LAMC1: variants seen among roughly 807,000 people sequenced by gnomAD.
The protein encoded by LAMC1 is laminin subunit gamma 1.
LAMC1 carries 38 observed loss-of-function variants against 173.6 expected under a neutral mutation model. That is an observed-to-expected ratio of 0.22 (90% CI 0.17 to 0.29). The LOEUF is 0.29. Ranked by LOEUF, LAMC1 falls within the 10% of genes least tolerant of loss-of-function variation. The probability of loss-of-function intolerance (pLI) is 1.00; values close to 1 mark genes in which losing one functional copy is unlikely to be tolerated. For synonymous variants in LAMC1, 746 were observed against 749.1 expected (o/e 1.00, Z 0.07); for missense variants, 1,824 against 2,051.8 (o/e 0.89, Z 2.14).
chr1:183,102,925 C>T (rs1655871889), intron 1 of LAMC1, among the ~76,000 whole-genome samples: 5 of 152,132 alleles, frequency 3.3e-5, no homozygotes, highest in Admixed American at 3.3e-4. Flanking sequence ...TCTTAAAGGG[C>T]CTGGAGACCC....
At chr1:183,068,940 CA>C (rs562664811) in intron 1 of LAMC1, among the ~76,000 whole-genome samples, 14 of 146,090 alleles carry the variant, frequency 9.6e-5, no homozygotes, top group South Asian at 2.2e-4. Context: ...GACTCCATCT[CA>C]AAAAAAAAAG....
chr1:183,120,031 T>C (rs1181454318), intron 11 of LAMC1, among the ~76,000 whole-genome samples: 2 of 151,934 alleles, frequency 1.3e-5, no homozygotes, highest in African/African-American at 4.8e-5. Context: ...TAGCTGGGCA[T>C]GGTGGCACAC....
chr1:183,089,881 C>T (rs1036315564), intron 1 of LAMC1, among the ~76,000 whole-genome samples: 17 of 152,150 alleles, frequency 1.1e-4, no homozygotes, highest in South Asian at 1.0e-3. Context: ...AATGGAGTTG[C>T]TCATGCTAGG....
intron 1 of LAMC1, among the ~76,000 whole-genome samples, chr1:183,083,054 G>T (rs752818550): frequency 6.6e-5 from 10 of 152,152 alleles, no homozygotes; most frequent in Non-Finnish European, 1.3e-4. Context: ...ACTGTGACTT[G>T]TTCTGGTGGG....
chr1:183,072,979 T>G (rs1475209482), intron 1 of LAMC1, among the ~76,000 whole-genome samples: 1 of 152,226 alleles, frequency 6.6e-6, no homozygotes, highest in Non-Finnish European at 1.5e-5. Flanking sequence ...CATAATTATT[T>G]CATTATATAT....
chr1:183,133,597 A>G, intron 22 of LAMC1, 47 bp downstream of exon 22: 4 of 1,536,692 alleles, frequency 2.6e-6, no homozygotes, highest in East Asian at 2.3e-5. Flanking sequence ...CTCTCCCCCA[A>G]GTCTATGTGA....
At position 183,122,154 on chromosome 1, in the gene LAMC1, C is replaced by T. The variant is rs779442083; in HGVS notation, c.2304C>T (p.Ser768=). The change falls in exon 13 of 28, where the codon TCC becomes TCT. Residue 768 remains serine (S), a synonymous_variant. Transcript: ENST00000258341. ...GAGATTCAACTGCAGGCACCTCCTC[C>T]GATTGCCAACCCTGTCCGTGTCCTG... ...YYGDSTAGTS[S]DCQPCPCPGG... The T allele has an allele frequency of 2.5e-5, 41 of 1,614,066 alleles. No homozygotes were observed. Among genetic ancestry groups the T allele is most frequent in the African/African-American group, 4.0e-5 (3 of 74,928 alleles).
intron 1 of LAMC1, among the ~76,000 whole-genome samples, chr1:183,080,537 C>A (rs1460711725): frequency 2.0e-5 from 3 of 152,174 alleles, no homozygotes; most frequent in Non-Finnish European, 4.4e-5. Flanking sequence ...GCTAAGGATT[C>A]CCTCAGCTGC....
chr1:183,087,954 C>T (rs1294821959), intron 1 of LAMC1, among the ~76,000 whole-genome samples: 2 of 151,898 alleles, frequency 1.3e-5, no homozygotes, highest in Non-Finnish European at 2.9e-5. Flanking sequence ...GCTGGGATTA[C>T]AGGCATGCCT....
intron 2 of LAMC1, among the ~76,000 whole-genome samples, chr1:183,105,433 AG>A (rs1046358264): frequency 7.6e-4 from 28 of 36,850 alleles, no homozygotes; most frequent in African/African-American, 1.6e-3. Context: ...CAGTGTAGTC[AG>A]TAGAAAATGC....
At chr1:183,106,295 A>G (rs1005439258) in intron 2 of LAMC1, among the ~76,000 whole-genome samples, 1 of 152,234 alleles carries the variant, frequency 6.6e-6, no homozygotes, top group Non-Finnish European at 1.5e-5. Flanking sequence ...AAACACAGAA[A>G]TATGTTTAGC....
intron 26 of LAMC1, among the ~76,000 whole-genome samples, chr1:183,139,381 A>G (rs1657041625): frequency 1.3e-5 from 2 of 152,162 alleles, no homozygotes; most frequent in South Asian, 4.1e-4. Context: ...TTATAGCTTC[A>G]TTCTTTTGGA....
chr1:183,085,645 C>T (rs1655407594), intron 1 of LAMC1, among the ~76,000 whole-genome samples: 2 of 152,096 alleles, frequency 1.3e-5, no homozygotes, highest in Non-Finnish European at 2.9e-5. Flanking sequence ...GCTAGGATTG[C>T]AGGCATAAGC....
At position 183,117,623 on chromosome 1, in the gene LAMC1, G is replaced by A. The variant is rs1167078480; in HGVS notation, c.1777G>A (p.Glu593Lys). The A allele has an allele frequency of 2.5e-6, 4 of 1,614,058 alleles. No homozygotes were observed. Among genetic ancestry groups the A allele is most frequent in the Non-Finnish European group, 3.4e-6 (4 of 1,180,034 alleles). The part of the protein sequence containing the change: ...VDRRDTRLSA[E>K]DLVLEGAGLR... The stretch of plus-strand genomic sequence containing the variant: ...CAGGCGAGATACTCGCCTCTCTGCA[G>A]AAGACCTTGTGCTTGAGGGAGCTGG... The change falls in exon 10 of 28, where the codon GAA (glutamate) becomes AAA (lysine). Residue 593 changes from glutamate (E) to lysine (K), a missense_variant. Physicochemically the swap from Glu to Lys is moderately conservative, Grantham distance 56. Coordinates refer to ENST00000258341, the MANE Select transcript of LAMC1 (RefSeq NM_002293.4).
At chr1:183,116,727 G>GT (rs1558053257) in intron 7 of LAMC1, 40 bp from the exon 8 acceptor site, 2 of 1,609,854 alleles carry the variant, frequency 1.2e-6, no homozygotes, top group South Asian at 1.1e-5. Flanking sequence ...CATATTTCAA[G>GT]TAAAAAAAAA....
At position 183,130,296 on chromosome 1, in the gene LAMC1, T is replaced by C. The variant is rs183992929; in HGVS notation, c.3281-48T>C. 488 of 1,482,686 alleles carry C rather than the reference T, an allele frequency of 3.3e-4. 1 individual carries two copies. In the African/African-American group the frequency reaches 5.9e-3, roughly 18 times the overall value. The allele number at this position is 1,482,686 out of a possible 1,614,324, so 91.8% of individuals were successfully genotyped here. ...GCCTCAGATTTCATGTGAGATGATA[T>C]GATCCTCTTCAGATAATTTACAGAC... On this transcript the variant is annotated intron_variant, in intron 18 of 27. Transcript: ENST00000258341.
rs2102081033 is a variant in LAMC1 at position 183,114,658 on chromosome 1, A to G, written c.1149A>G (p.Arg383=). The G allele has an allele frequency of 6.2e-7, 1 of 1,614,216 alleles. No homozygotes were observed. The highest frequency in any genetic ancestry group is 8.5e-7 in the Non-Finnish European group (1 of 1,180,036). ...ATGGCGCCCACTGTGAGAGGTGCCG[A>G]GAGAACTTCTTCCGCCTTGGCAACA... ...NTDGAHCERC[R]ENFFRLGNNE... is the part of the protein sequence containing the mutation. The change falls in exon 5 of 28, where the codon CGA becomes CGG. Residue 383 remains arginine, a synonymous_variant. Transcript: ENST00000258341.
chr1:183,110,942 T>C (rs1656130943), intron 4 of LAMC1, among the ~76,000 whole-genome samples: 1 of 152,178 alleles, frequency 6.6e-6, no homozygotes, highest in South Asian at 2.1e-4. Flanking sequence ...GCCAGTGTAG[T>C]CTACTCCGGA....
Position 183,117,661 on chromosome 1 carries a change from T to C in LAMC1, c.1815T>C (p.Ser605=). 1 of 1,614,256 alleles carries C rather than the reference T, an allele frequency of 6.2e-7. No homozygotes were observed. The highest frequency in any genetic ancestry group is 8.5e-7 in the Non-Finnish European group (1 of 1,180,054). ...TTGAGGGAGCTGGCTTAAGAGTATC[T>C]GTACCCTTGATCGCTCAGGGCAATT... ...LVLEGAGLRV[S]VPLIAQGNSY... Residue 605 remains serine, a synonymous_variant, in exon 10 of 28, where the codon TCT becomes TCC. Transcript: ENST00000258341.
Sources: gnomAD v4.1 joint callset for allele counts (sites outside exome capture counted in the v4.1 genomes callset) on GRCh38, gnomAD v4.1.1 for gene constraint, MANE v1.5 for transcripts, NCBI Gene and HGNC (gene_info 2026-07-23, HGNC 2026-07-21) for gene names.